MYO9A: variants seen among roughly 807,000 people sequenced by gnomAD.
The protein encoded by MYO9A is unconventional myosin-IXa.
A neutral mutation model predicts 293.3 loss-of-function variants in MYO9A; 103 were observed. The observed-to-expected ratio is 0.35, with a 90% CI of 0.30 to 0.41. The LOEUF (loss-of-function observed/expected upper bound fraction) is 0.41. MYO9A is among the 10% of genes least tolerant of loss of function. MYO9A has a pLI of 1.00. For synonymous variants in MYO9A, 1,001 were observed against 1,035.7 expected, an observed-to-expected ratio of 0.97 and a Z score of 0.64; for missense variants, 2,685 against 3,033.0, an observed-to-expected ratio of 0.89 and a Z score of 2.69.
At chr15:71,859,836 G>A (rs753773932) in intron 33 of MYO9A, 40 bp from the exon 34 acceptor site, 2 of 1,528,730 alleles carry the variant, frequency 1.3e-6, no homozygotes, top group African/African-American at 2.7e-5. Flanking sequence ...TTAGAAGTCT[G>A]TACATCAGTG....
At chr15:72,010,893 T>C (rs888298264) in intron 6 of MYO9A, among the ~76,000 whole-genome samples, 5 of 152,160 alleles carry the variant, frequency 3.3e-5, no homozygotes, top group Non-Finnish European at 5.9e-5. Flanking sequence ...TAGATATTAG[T>C]GACACAAAAA....
intron 26 of MYO9A, chr15:71,889,554 CCA>C (rs1002499709): frequency 2.6e-5 from 4 of 151,416 alleles, no homozygotes; most frequent in Admixed American, 1.3e-4. Flanking sequence ...CTCCTGGGCC[CCA>C]GTTATCCTCC....
chr15:71,854,167 A>G (rs931877388), intron 35 of MYO9A, among the ~76,000 whole-genome samples: 1 of 152,222 alleles, frequency 6.6e-6, no homozygotes, highest in African/African-American at 2.4e-5. Flanking sequence ...TCCCAAGTGC[A>G]AATTATATGC....
chr15:71,863,153 TG>T (rs2056207072), intron 32 of MYO9A, among the ~76,000 whole-genome samples: 1 of 151,920 alleles, frequency 6.6e-6, no homozygotes, highest in African/African-American at 2.4e-5. Flanking sequence ...AGGCTGGTCT[TG>T]AACTCCTGAT....
intron 17 of MYO9A, 140 bp downstream of exon 17, chr15:71,935,201 T>C (rs1265000761): frequency 4.4e-6 from 4 of 909,050 alleles, no homozygotes; most frequent in Admixed American, 2.9e-5. Flanking sequence ...CTAAATAACT[T>C]TGAGTCTTGT....
At chr15:72,024,975 A>G (rs917030466) in intron 4 of MYO9A, among the ~76,000 whole-genome samples, 2 of 152,204 alleles carry the variant, frequency 1.3e-5, no homozygotes, top group Admixed American at 1.3e-4. Flanking sequence ...TAATAATCCT[A>G]CCTTATCAAT....
intron 7 of MYO9A, among the ~76,000 whole-genome samples, chr15:72,008,404 T>C (rs192965687): frequency 6.6e-6 from 1 of 151,972 alleles, no homozygotes; most frequent in African/African-American, 2.4e-5. Flanking sequence ...AAAATGCTTT[T>C]CTATACCATA....
chr15:72,047,774 C>CTTTTTTTTTTT (rs11397735), intron 1 of MYO9A, among the ~76,000 whole-genome samples: 25 of 74,392 alleles, frequency 3.4e-4, no homozygotes, highest in East Asian at 4.9e-4. Flanking sequence ...CAGTTACTTC[C>CTTTTTTTTTTT]TTTTTTTTTT....
chr15:72,118,296 C>T (rs1048706396), upstream of MYO9A: 1 of 263,984 alleles, frequency 3.8e-6, no homozygotes, highest in African/African-American at 2.2e-5. Flanking sequence ...CAAATTTTTT[C>T]TTCTTCACCT....
At chr15:71,967,958 G>C in intron 13 of MYO9A, 26 bp downstream of exon 13, 1 of 1,591,488 alleles carries the variant, frequency 6.3e-7, no homozygotes, top group Non-Finnish European at 8.6e-7. Flanking sequence ...TGCCCTGTAA[G>C]CATATTCAGT....
rs759650683 is a variant in MYO9A at position 72,045,733 on chromosome 15, T to C, written c.831A>G (p.Pro277=). 4.2e-5 allele frequency: 66 copies of C among 1,589,560 alleles called. No individual in the cohort carries two copies. Among genetic ancestry groups the C allele is most frequent in the Middle Eastern group, 3.4e-4 (2 of 5,940 alleles). The part of the protein sequence containing the change: ...GVEQIILGAG[P]VLEAFGNAKT... ...ATTTCTATATATTTACCTCAAGTAC[T>C]GGTCCAGCTCCAAGAATAATCTGTT... Residue 277 remains proline, a synonymous_variant, in exon 2 of 42, where the codon CCA becomes CCG. Transcript: ENST00000356056.
At chr15:71,867,075 A>AACACACACACACAC (rs35264363) in intron 32 of MYO9A, among the ~76,000 whole-genome samples, 2,904 of 148,064 alleles carry the variant, frequency 0.02, 92 homozygotes, top group African/African-American at 0.07. Context: ...CAAAAAACAA[A>AACACACACACACAC]ACACACACAC....
At chr15:71,938,632 T>G in intron 16 of MYO9A, 1 of 381,832 alleles carries the variant, frequency 2.6e-6, no homozygotes. Context: ...CTGAAGAAAC[T>G]TTTTCAAAAT....
At chr15:72,083,005 G>C (rs1239879879) in intron 1 of MYO9A, among the ~76,000 whole-genome samples, 1 of 151,740 alleles carries the variant, frequency 6.6e-6, no homozygotes, top group Non-Finnish European at 1.5e-5. Context: ...TCTCTGCTAG[G>C]TTTTGATATC....
At chr15:72,101,051 C>T (rs866791469) in intron 1 of MYO9A, among the ~76,000 whole-genome samples, 138 of 134,984 alleles carry the variant, frequency 1.0e-3, no homozygotes, top group Middle Eastern at 4.0e-3. Flanking sequence ...CCAGCCGCCC[C>T]GTCAGGGAGG....
intron 1 of MYO9A, among the ~76,000 whole-genome samples, chr15:72,053,247 A>C (rs1005312444): frequency 6.7e-6 from 1 of 149,548 alleles, no homozygotes; most frequent in Non-Finnish European, 1.5e-5. Context: ...TAAAAGTACA[A>C]AAAAAAAAAT....
Position 71,862,540 on chromosome 15 carries a change from A to C in MYO9A, c.6051T>G (p.Ser2017=), listed in dbSNP as rs921475392. Residue 2017 remains serine, a synonymous_variant, in exon 33 of 42, where the codon TCT becomes TCG. Transcript: ENST00000356056. ...YSIPTYCEYC[S]SLIWIMDRAS... ...CTCGGTCCATTATCCATATCAAAGA[A>C]GAACAGTATTCACAGTATGTAGGGA... 5.6e-6 allele frequency: 9 copies of C among 1,613,046 alleles called. No homozygotes were observed. The highest frequency in any genetic ancestry group is 3.4e-6 in the Non-Finnish European group (4 of 1,179,088).
At position 71,916,485 on chromosome 15, in the gene MYO9A, A is replaced by G. The variant is rs766558323; in HGVS notation, c.2570T>C (p.Leu857Pro). Residue 857 changes from leucine (L) to proline (P), a missense_variant, in exon 19 of 42, where the codon CTA (leucine) becomes CCA (proline). By Grantham distance (98) the Leu-to-Pro change is moderately conservative. Coordinates refer to ENST00000356056, the MANE Select transcript of MYO9A (RefSeq NM_006901.4). Reference sequence around the variant, plus strand: ...CAGGTGCTTTAAAGAATTTACTTCTAGCAAGTGCTGAAAGAAGAGAAAAAA... The same window carrying G: ...CAGGTGCTTTAAAGAATTTACTTCTGGCAAGTGCTGAAAGAAGAGAAAAAA... ...KSKPALPKHL[L>P]EVNSLKHLTR... 4 of 1,604,358 alleles carry G rather than the reference A, an allele frequency of 2.5e-6. No individual in the cohort carries two copies. Among genetic ancestry groups the G allele is most frequent in the Non-Finnish European group, 3.4e-6 (4 of 1,177,620 alleles).
chr15:71,939,906 C>T (rs1364673377), intron 15 of MYO9A, among the ~76,000 whole-genome samples: 2 of 152,086 alleles, frequency 1.3e-5, no homozygotes, highest in Non-Finnish European at 2.9e-5. Context: ...GACTAATAAA[C>T]GAGTTCTGCA....
Sources: allele counts gnomAD v4.1 joint callset (sites outside exome capture counted in the v4.1 genomes callset), GRCh38; gene constraint gnomAD v4.1.1; transcripts MANE v1.5; gene names NCBI Gene and HGNC (gene_info 2026-07-23, HGNC 2026-07-21).